Variants in TPO observed in about 807,000 individuals in gnomAD.
TPO encodes thyroid peroxidase.
TPO carries 78 observed loss-of-function variants against 96.9 expected under a neutral mutation model. The ratio of observed to expected loss-of-function variants is 0.81; its 90% CI spans 0.67 to 0.97. The LOEUF (loss-of-function observed/expected upper bound fraction) is 0.97. Ranked by LOEUF, TPO falls within the 50% of genes least tolerant of loss-of-function variation. TPO has a pLI of 0.00. For synonymous variants in TPO, 547 were observed against 538.0 expected, an observed-to-expected ratio of 1.02 and a Z score of -0.23; for missense variants, 1,252 against 1,274.8, an observed-to-expected ratio of 0.98 and a Z score of 0.27.
At chr2:1,463,885 T>TTA (rs1308560897) in intron 7 of TPO, among the ~76,000 whole-genome samples, 1 of 152,236 alleles carries the variant, frequency 6.6e-6, no homozygotes, top group Non-Finnish European at 1.5e-5. Flanking sequence ...GGGTTATGAA[T>TTA]TATGTTCATG....
chr2:1,513,290 G>A (rs1215746102), intron 14 of TPO: 1 of 152,332 alleles, frequency 6.6e-6, no homozygotes, highest in Non-Finnish European at 1.5e-5. Flanking sequence ...AGGTGCTGAG[G>A]GCTGAGAGTG....
At chr2:1,433,845 A>T (rs952483341) in intron 4 of TPO, among the ~76,000 whole-genome samples, 5 of 152,236 alleles carry the variant, frequency 3.3e-5, no homozygotes, top group African/African-American at 1.2e-4. Flanking sequence ...ATCAAATTTG[A>T]GAAGTAGCTC....
At chr2:1,505,317 C>T (rs1673301573) in intron 14 of TPO, among the ~76,000 whole-genome samples, 1 of 151,220 alleles carries the variant, frequency 6.6e-6, no homozygotes, top group South Asian at 2.1e-4. Flanking sequence ...ATCCCACTCT[C>T]CTGAGTCAGG....
intron 1 of TPO, among the ~76,000 whole-genome samples, chr2:1,404,074 C>T (rs1662212807): frequency 6.6e-6 from 1 of 152,202 alleles, no homozygotes; most frequent in Admixed American, 6.5e-5. Context: ...AGCTATGGAT[C>T]TCCCGAGCAC....
At position 1,463,638 on chromosome 2, in the gene TPO, G is replaced by C. The variant is rs1301475851; in HGVS notation, c.819+7356G>C. 3.3e-5 allele frequency among the ~76,000 whole-genome samples: 5 copies of C among 152,218 alleles called. No individual in the cohort carries two copies. The East Asian group carries it at 9.6e-4, about 29-fold the overall frequency. Reference sequence around the variant, plus strand: ...CTGATCACTCAGCCCAGGGAGCTGTGAGAGCTTTGCAGCATCCTCTATTTT... The same window carrying C: ...CTGATCACTCAGCCCAGGGAGCTGTCAGAGCTTTGCAGCATCCTCTATTTT... On this transcript the variant is annotated intron_variant, in intron 7 of 16. Coordinates refer to ENST00000329066, the MANE Select transcript of TPO (RefSeq NM_001206744.2).
At chr2:1,479,763 C>CTCCTCCTCT (rs1670359317) in intron 8 of TPO, among the ~76,000 whole-genome samples, 1 of 149,208 alleles carries the variant, frequency 6.7e-6, no homozygotes, top group African/African-American at 2.5e-5. Flanking sequence ...CCTCGTCCTC[C>CTCCTCCTCT]TCCTCCTCTT....
intron 8 of TPO, chr2:1,477,897 T>A (rs1264636631): frequency 1.5e-5 from 15 of 985,362 alleles, no homozygotes; most frequent in Non-Finnish European, 1.8e-5. Flanking sequence ...TCCAGCCGGC[T>A]GGTGATTATC....
intron 15 of TPO, among the ~76,000 whole-genome samples, chr2:1,531,225 C>G (rs560094592): frequency 7.4e-6 from 1 of 135,578 alleles, no homozygotes; most frequent in South Asian, 2.4e-4. Context: ...CCAAATCGCC[C>G]CCACTGTGTG....
intron 3 of TPO, among the ~76,000 whole-genome samples, chr2:1,431,117 G>T (rs1664936524): frequency 6.6e-6 from 1 of 152,118 alleles, no homozygotes; most frequent in Admixed American, 6.5e-5. Flanking sequence ...TGTGATTCTG[G>T]ATGTTGGAGG....
intron 5 of TPO, among the ~76,000 whole-genome samples, chr2:1,451,914 T>G (rs890398255): frequency 4.6e-5 from 7 of 152,190 alleles, no homozygotes; most frequent in Non-Finnish European, 7.3e-5. Context: ...TGTAGAATAT[T>G]TTATACTTGA....
intron 15 of TPO, among the ~76,000 whole-genome samples, chr2:1,537,030 AT>A (rs139293022): frequency 0.019 from 441 of 23,810 alleles, no homozygotes; most frequent in African/African-American, 0.05. Context: ...ACGTCCTCAA[AT>A]ACCCCCACTG....
intron 1 of TPO, among the ~76,000 whole-genome samples, chr2:1,408,417 C>G (rs1662277367): frequency 6.6e-6 from 1 of 152,182 alleles, no homozygotes; most frequent in Non-Finnish European, 1.5e-5. Context: ...GCATCCTCAC[C>G]CAGCCTTGGA....
rs1672060036 is a variant in TPO at position 1,493,897 on chromosome 2, A to T, written c.1864A>T (p.Ile622Phe). The change falls in exon 11 of 17, where the codon ATC (isoleucine) becomes TTC (phenylalanine). Residue 622 changes from isoleucine (I) to phenylalanine (F), a missense_variant. Coordinates refer to ENST00000329066, the MANE Select transcript of TPO (RefSeq NM_001206744.2). ...CGCCAGCAGGAGCGTGGCCGACAAGATCCTGGACTTGTACAAGCATCCTGA... is the reference window on the plus strand; with the variant it reads ...CGCCAGCAGGAGCGTGGCCGACAAGTTCCTGGACTTGTACAAGCATCCTGA... The part of the protein sequence containing the change: ...AIASRSVADK[I>F]LDLYKHPDNI... 6.2e-7 allele frequency: 1 copy of T among 1,614,010 alleles called. No homozygotes were observed. The highest frequency in any genetic ancestry group is 1.3e-5 in the African/African-American group (1 of 74,922).
intron 15 of TPO, among the ~76,000 whole-genome samples, chr2:1,532,561 TC>T (rs1196877996): frequency 3.0e-5 from 2 of 66,248 alleles, no homozygotes; most frequent in African/African-American, 6.5e-5. Context: ...CCTCCTCAAA[TC>T]CCCCCAACTG....
In TPO at chr2:1,455,046, GA is replaced by G. The variant is rs28910568; in HGVS notation, c.613-1029del. Among the ~76,000 whole-genome samples, 527 of 152,280 alleles carry G rather than the reference GA, an allele frequency of 3.5e-3. 6 individuals are homozygous for G. Among genetic ancestry groups the G allele is most frequent in the African/African-American group, 0.012 (506 of 41,556 alleles). ...CCTTTCCTGGCAATTCCAGCTTCTG[GA>G]GGTGCCTGCATCCCCTGGCTCATGG... On this transcript the variant is annotated intron_variant, in intron 6 of 16. Transcript: ENST00000329066.
chr2:1,501,772 G>A (rs139971902), intron 13 of TPO, among the ~76,000 whole-genome samples: 14 of 152,242 alleles, frequency 9.2e-5, no homozygotes, highest in Non-Finnish European at 1.5e-4. Flanking sequence ...GCCAGGGCAT[G>A]CAGGAAGGAC....
chr2:1,377,796 A>C (rs2148337991), intron 1 of TPO, among the ~76,000 whole-genome samples: 1 of 152,152 alleles, frequency 6.6e-6, no homozygotes, highest in South Asian at 2.1e-4. Context: ...GTGGATCTTC[A>C]CCCAGGATGT....
chr2:1,504,012 C>T lies in TPO; in HGVS notation c.2451C>T (p.Thr817=), dbSNP rs1326435437. Residue 817 remains threonine, a synonymous_variant, in exon 14 of 17, where the codon ACC becomes ACT. Coordinates refer to ENST00000329066, the MANE Select transcript of TPO (RefSeq NM_001206744.2). Reference sequence around the variant, plus strand: ...ACGCCTCTGCGAGGTGCAGAAACACCAAAGGCGGCTTCCAGTGTCTCTGCG... The same window carrying T: ...ACGCCTCTGCGAGGTGCAGAAACACTAAAGGCGGCTTCCAGTGTCTCTGCG... ...PCHASARCRN[T]KGGFQCLCAD... The T allele has an allele frequency of 6.2e-6, 10 of 1,614,226 alleles. No homozygotes were observed. Among genetic ancestry groups the T allele is most frequent in the Non-Finnish European group, 6.8e-6 (8 of 1,180,044 alleles).
In TPO at chr2:1,531,713, C is replaced by G. The variant is rs1330304144; in HGVS notation, c.2619-8881C>G. On this transcript the variant is annotated intron_variant, in intron 15 of 16. Coordinates refer to ENST00000329066, the MANE Select transcript of TPO (RefSeq NM_001206744.2). ...CCACTCTTTGCAACCTCGCCAAATC[C>G]CCCCCACTCTCTGCAACCTCCCCAA... Among the ~76,000 whole-genome samples the G allele has an allele frequency of 4.0e-5, 3 of 75,588 alleles. 1 individual carries two copies. The allele number at this position is 75,588 out of a possible 152,430, so 49.6% of individuals were successfully genotyped here.
Sources: gnomAD v4.1 joint callset for allele counts (sites outside exome capture counted in the v4.1 genomes callset) on GRCh38, gnomAD v4.1.1 for gene constraint, MANE v1.5 for transcripts, NCBI Gene and HGNC (gene_info 2026-07-23, HGNC 2026-07-21) for gene names.